The following ABHD5 variants were observed in gnomAD, a reference collection of about 807,000 sequenced individuals.
The protein encoded by ABHD5 is abhydrolase domain containing 5, lysophosphatidic acid acyltransferase.
ABHD5 carries 30 observed loss-of-function variants against 44.9 expected under a neutral mutation model. That is an observed-to-expected ratio of 0.67 (90% confidence interval 0.50 to 0.91). The LOEUF (loss-of-function observed/expected upper bound fraction) is 0.91. Ranked by LOEUF, ABHD5 falls within the 40% of genes least tolerant of loss-of-function variation. The pLI, the probability that ABHD5 is intolerant of heterozygous loss-of-function variation, is 0.00. For synonymous variants in ABHD5, 167 were observed against 147.0 expected (o/e 1.14, Z -0.99); for missense variants, 399 against 423.4 (o/e 0.94, Z 0.50).
intron 5 of ABHD5, among the ~76,000 whole-genome samples, chr3:43,716,813 A>G (rs2084768674): frequency 6.6e-6 from 1 of 152,134 alleles, no homozygotes; most frequent in Admixed American, 6.5e-5. Flanking sequence ...CTAGTTTGTT[A>G]CTTTGATTGT....
At chr3:43,712,548 C>G (rs2084702064) in intron 4 of ABHD5, among the ~76,000 whole-genome samples, 1 of 152,164 alleles carries the variant, frequency 6.6e-6, no homozygotes, top group Non-Finnish European at 1.5e-5. Context: ...GAACTTCTGC[C>G]TTTCCCCCGT....
At position 43,702,756 on chromosome 3, in the gene ABHD5, T is replaced by C. The variant is rs189848006; in HGVS notation, c.506+169T>C. Among the ~76,000 whole-genome samples, 132 of 152,350 alleles carry C rather than the reference T, an allele frequency of 8.7e-4. 1 individual carries two copies. The highest frequency in any genetic ancestry group is 3.0e-3 in the African/African-American group (123 of 41,594). On this transcript the variant is annotated intron_variant, in intron 3 of 6. Coordinates refer to ENST00000644371, the MANE Select transcript of ABHD5 (RefSeq NM_016006.6). ...ACCAATATAGTAGCTGAAATAATCA[T>C]GTCAGATCTTCCTATTACACGTACT...
chr3:43,715,183 G>A (rs986319439), intron 5 of ABHD5, 125 bp downstream of exon 5: 8 of 700,568 alleles, frequency 1.1e-5, no homozygotes, highest in Admixed American at 9.0e-5. Context: ...CATTCAATAC[G>A]GGGTTTCGCT....
At position 43,717,697 on chromosome 3, in the gene ABHD5, C is replaced by G; in HGVS notation, c.800C>G (p.Thr267Ser). The G allele has an allele frequency of 6.2e-7, 1 of 1,614,226 alleles. No individual in the cohort carries two copies. The highest frequency in any genetic ancestry group is 1.7e-5 in the Admixed American group (1 of 60,026). Reference protein sequence around the residue: ...PSGETAFKNMTIPYGWAKRPM... With the variant: ...PSGETAFKNMSIPYGWAKRPM... The stretch of plus-strand genomic sequence containing the variant: ...GGTGAGACAGCTTTCAAGAATATGA[C>G]TATTCCTTATGGATGGGCAAAAAGG... Residue 267 changes from threonine to serine, a missense_variant, in exon 6 of 7, where the codon ACT becomes AGT. Physicochemically the swap from Thr to Ser is moderately conservative, Grantham distance 58. Transcript: ENST00000644371.
intron 4 of ABHD5, among the ~76,000 whole-genome samples, chr3:43,714,514 A>C (rs919549928): frequency 6.6e-6 from 1 of 152,150 alleles, no homozygotes; most frequent in Non-Finnish European, 1.5e-5. Flanking sequence ...TCCCAAGAAG[A>C]AGCTGAATTT....
chr3:43,708,239 C>G (rs913390539), intron 3 of ABHD5, among the ~76,000 whole-genome samples: 1 of 152,178 alleles, frequency 6.6e-6, no homozygotes, highest in African/African-American at 2.4e-5. Context: ...TGGTTCTTGA[C>G]AAGGATGTCT....
rs1356143068 is a variant in ABHD5 at position 43,719,063 on chromosome 3, A to C, written c.*531A>C. 1 of 157,094 alleles carries C rather than the reference A, an allele frequency of 6.4e-6. No individual in the cohort carries two copies. The highest frequency in any genetic ancestry group is 1.4e-5 in the Non-Finnish European group (1 of 71,086). 9.7% of individuals were successfully genotyped at this position (157,094 alleles called of 1,614,324 possible). ...CACTTTGTTTTTGAAACGGAGTGACAAGGCAGATTTTTGGTTAGAGGACGG... is the reference window on the plus strand; with the variant it reads ...CACTTTGTTTTTGAAACGGAGTGACCAGGCAGATTTTTGGTTAGAGGACGG... On this transcript the variant is annotated 3_prime_UTR_variant, in exon 7 of 7. Transcript: ENST00000644371.
chr3:43,706,924 C>T (rs946824197), intron 3 of ABHD5, among the ~76,000 whole-genome samples: 1 of 152,198 alleles, frequency 6.6e-6, no homozygotes, highest in Admixed American at 6.5e-5. Flanking sequence ...TACTTCAGTC[C>T]TTGTCTTTTA....
chr3:43,702,436 A>G lies in ABHD5; in HGVS notation c.355A>G (p.Arg119Gly). Residue 119 changes from arginine to glycine, a missense_variant, in exon 3 of 7, where the codon AGG (arginine) becomes GGG (glycine). Arg to Gly is a moderately radical substitution (Grantham distance 125). Coordinates refer to ENST00000644371, the MANE Select transcript of ABHD5 (RefSeq NM_016006.6). ...LLGFGRSSRP[R>G]FDSDAEEVEN... is the part of the protein sequence containing the mutation. The stretch of plus-strand genomic sequence containing the variant: ...GGGTTTTGGACGAAGTAGTAGACCC[A>G]GGTTTGACAGTGATGCAGAAGAAGT... 2.5e-6 allele frequency: 4 copies of G among 1,614,254 alleles called. No homozygotes were observed. Among genetic ancestry groups the G allele is most frequent in the East Asian group, 4.5e-5 (2 of 44,882 alleles).
At chr3:43,704,682 A>G (rs1291075074) in intron 3 of ABHD5, among the ~76,000 whole-genome samples, 2 of 152,244 alleles carry the variant, frequency 1.3e-5, no homozygotes, top group African/African-American at 4.8e-5. Flanking sequence ...TCAGGGATTC[A>G]GAAGGGAATC....
intron 1 of ABHD5, among the ~76,000 whole-genome samples, chr3:43,694,715 G>C (rs186642816): frequency 4.6e-5 from 7 of 152,104 alleles, no homozygotes; most frequent in South Asian, 2.1e-4. Context: ...TACAGGTTGG[G>C]GGGGGAGGGG....
At chr3:43,707,327 T>C (rs1371811805) in intron 3 of ABHD5, among the ~76,000 whole-genome samples, 1 of 152,244 alleles carries the variant, frequency 6.6e-6, no homozygotes, top group Non-Finnish European at 1.5e-5. Context: ...TAAATAATTT[T>C]ATCTTGAATA....
At chr3:43,724,245 G>A (rs17075928), downstream of ABHD5, among the ~76,000 whole-genome samples, 1 of 152,092 alleles carries the variant, frequency 6.6e-6, no homozygotes, top group Non-Finnish European at 1.5e-5. Flanking sequence ...GGTAATAGCT[G>A]GAGGGAACCC....
downstream of ABHD5, among the ~76,000 whole-genome samples, chr3:43,723,415 T>C (rs2084856851): frequency 6.6e-6 from 1 of 152,210 alleles, no homozygotes; most frequent in Non-Finnish European, 1.5e-5. Flanking sequence ...CAGATCCAGC[T>C]GCTAAAAGCA....
chr3:43,690,888 G>T (rs1463826174), upstream of ABHD5: 40 of 1,290,856 alleles, frequency 3.1e-5, no homozygotes, highest in Non-Finnish European at 3.0e-5. Context: ...GAAGACGCAT[G>T]CGCTGGCGGC....
chr3:43,702,659 GT>G (rs1306425265), intron 3 of ABHD5, 72 bp downstream of exon 3: 2 of 1,609,732 alleles, frequency 1.2e-6, no homozygotes, highest in Non-Finnish European at 8.5e-7. Flanking sequence ...CCCATCTTTG[GT>G]GGTTGTTAGT....
chr3:43,725,426 C>T (rs778123701), downstream of ABHD5, among the ~76,000 whole-genome samples: 1 of 152,172 alleles, frequency 6.6e-6, no homozygotes, highest in Non-Finnish European at 1.5e-5. Flanking sequence ...ATTAGATTAG[C>T]TCCAAGATTT....
chr3:43,717,532 T>C, intron 5 of ABHD5, 139 bp from the exon 6 acceptor site: 3 of 866,888 alleles, frequency 3.5e-6, no homozygotes, highest in East Asian at 2.6e-5. Flanking sequence ...CACTGTCTCA[T>C]AAATTATTTT....
At chr3:43,726,789 T>TTACC (rs1208409197), downstream of ABHD5, among the ~76,000 whole-genome samples, 1 of 152,202 alleles carries the variant, frequency 6.6e-6, no homozygotes, top group African/African-American at 2.4e-5. Context: ...ACTTGAGGCA[T>TTACC]TACCCCCAAG....
Sources: allele counts gnomAD v4.1 joint callset (sites outside exome capture counted in the v4.1 genomes callset), GRCh38; gene constraint gnomAD v4.1.1; transcripts MANE v1.5; gene names NCBI Gene and HGNC (gene_info 2026-07-23, HGNC 2026-07-21).